PDE7B: variants seen among roughly 807,000 people sequenced by gnomAD.
PDE7B encodes the protein 3',5'-cyclic-AMP phosphodiesterase 7B.
Under a neutral mutation model 56.2 loss-of-function variants are expected in PDE7B, and 29 were observed. That is an observed-to-expected ratio of 0.52 (90% CI 0.38 to 0.70). The LOEUF is 0.70. Ranked by LOEUF, PDE7B falls within the 30% of genes least tolerant of loss-of-function variation. PDE7B has a pLI of 0.00. For synonymous variants in PDE7B, 197 were observed against 196.9 expected (o/e 1.00, Z 0.00); for missense variants, 490 against 565.0 (o/e 0.87, Z 1.35).
intron 2 of PDE7B, among the ~76,000 whole-genome samples, chr6:135,977,681 A>G (rs76503808): frequency 0.011 from 1,615 of 152,232 alleles, 28 homozygotes; most frequent in African/African-American, 0.036. Flanking sequence ...CAGGAGCAAT[A>G]AAGAGGCTGA....
intron 2 of PDE7B, among the ~76,000 whole-genome samples, chr6:136,056,149 C>T (rs1776726425): frequency 6.6e-6 from 1 of 152,150 alleles, no homozygotes; most frequent in Non-Finnish European, 1.5e-5. Context: ...TGTGTCTTAA[C>T]TTCTTAGAGG....
At chr6:135,865,999 TA>T (rs1481373147) in intron 1 of PDE7B, among the ~76,000 whole-genome samples, 1 of 152,210 alleles carries the variant, frequency 6.6e-6, no homozygotes, top group East Asian at 1.9e-4. Flanking sequence ...CAAAAATTTT[TA>T]TTACTTTGCT....
chr6:136,159,630 G>A (rs1456460455), intron 8 of PDE7B, among the ~76,000 whole-genome samples: 1 of 152,132 alleles, frequency 6.6e-6, no homozygotes, highest in Non-Finnish European at 1.5e-5. Flanking sequence ...GGCTTGTTAG[G>A]GAAGAACTCA....
intron 2 of PDE7B, among the ~76,000 whole-genome samples, chr6:135,982,506 A>T (rs1775314753): frequency 6.6e-6 from 1 of 152,078 alleles, no homozygotes; most frequent in South Asian, 2.1e-4. Context: ...TCAATCAGGA[A>T]CTGCTAAGGA....
intron 2 of PDE7B, among the ~76,000 whole-genome samples, chr6:135,978,426 C>A (rs1468442910): frequency 2.0e-5 from 3 of 152,036 alleles, no homozygotes; most frequent in African/African-American, 7.2e-5. Flanking sequence ...TGTTACTGTA[C>A]ACTTCTGTAG....
intron 1 of PDE7B, among the ~76,000 whole-genome samples, chr6:135,890,343 A>G (rs73556535): frequency 1.4e-4 from 22 of 152,278 alleles, no homozygotes; most frequent in African/African-American, 4.6e-4. Flanking sequence ...GATATTTCCT[A>G]TGGTACTTAG....
chr6:136,009,485 T>C (rs1236617133), intron 2 of PDE7B, among the ~76,000 whole-genome samples: 6 of 152,140 alleles, frequency 3.9e-5, no homozygotes, highest in East Asian at 1.9e-4. Flanking sequence ...TGTTCTTCCA[T>C]TTGTCTGTAT....
chr6:135,964,127 C>T lies in PDE7B; in HGVS notation c.82+16603C>T, dbSNP rs529518403. On this transcript the variant is annotated intron_variant, in intron 2 of 12. Coordinates refer to ENST00000308191, the MANE Select transcript of PDE7B (RefSeq NM_018945.4). ...TTTTTTTCTTTTATTTTTTTTGAGA[C>T]GGAGTCTTGCTCTGTTGCCCAAGCT... Among the ~76,000 whole-genome samples the T allele has an allele frequency of 1.7e-4, 25 of 151,098 alleles. No homozygotes were observed. The East Asian group carries it at 2.3e-3, about 14-fold the overall frequency.
chr6:136,056,572 C>T (rs184043276), intron 2 of PDE7B, among the ~76,000 whole-genome samples: 1 of 117,354 alleles, frequency 8.5e-6, no homozygotes, highest in East Asian at 2.4e-4. Flanking sequence ...GCCCTTGTTG[C>T]CCAGGCTGGA....
At chr6:135,934,729 C>CAAAA (rs1273694326) in intron 1 of PDE7B, among the ~76,000 whole-genome samples, 2 of 46,222 alleles carry the variant, frequency 4.3e-5, no homozygotes, top group African/African-American at 1.3e-4. Flanking sequence ...AACTCTGTCT[C>CAAAA]AAAAAAAAAA....
chr6:135,945,084 C>A (rs144070084), intron 1 of PDE7B, among the ~76,000 whole-genome samples: 52,151 of 151,760 alleles, frequency 0.34, 9,409 homozygotes, highest in Admixed American at 0.49. Flanking sequence ...TCACTTTAAA[C>A]ATAATCACTT....
chr6:136,015,884 T>C (rs1038824655), intron 2 of PDE7B, among the ~76,000 whole-genome samples: 2 of 152,156 alleles, frequency 1.3e-5, no homozygotes, highest in African/African-American at 4.8e-5. Flanking sequence ...AAAAGTAATT[T>C]AGCCTTTAAC....
At chr6:136,067,335 G>C (rs1776959540) in intron 2 of PDE7B, among the ~76,000 whole-genome samples, 1 of 152,142 alleles carries the variant, frequency 6.6e-6, no homozygotes, top group Admixed American at 6.5e-5. Flanking sequence ...TTCTAAGTGA[G>C]ACTTTATTGA....
intron 3 of PDE7B, among the ~76,000 whole-genome samples, chr6:136,111,585 C>T (rs941528897): frequency 7.2e-5 from 11 of 152,184 alleles, no homozygotes; most frequent in African/African-American, 2.7e-4. Flanking sequence ...GTGTTATGCA[C>T]AGTCACATAA....
chr6:135,914,693 G>T, intron 1 of PDE7B, among the ~76,000 whole-genome samples: 1 of 34,006 alleles, frequency 2.9e-5, no homozygotes. Context: ...GTTTCACCGT[G>T]TTAGCCAGGA....
chr6:136,097,122 C>A (rs931480428), intron 2 of PDE7B, among the ~76,000 whole-genome samples: 3 of 152,190 alleles, frequency 2.0e-5, no homozygotes, highest in Non-Finnish European at 2.9e-5. Context: ...GGATGCTAGA[C>A]CCTATTCACT....
chr6:136,128,963 C>T lies in PDE7B; in HGVS notation c.167-18388C>T, dbSNP rs73565075. On this transcript the variant is annotated intron_variant, in intron 3 of 12. Transcript: ENST00000308191. ...AGCTTTAGACTGTTCCTTCTGCCCC[C>T]TTCCATCAGAACTTATCCATCCAGC... Among the ~76,000 whole-genome samples the T allele has an allele frequency of 7.7e-3, 1,168 of 152,270 alleles. 13 individuals carry two copies. The highest frequency in any genetic ancestry group is 0.026 in the African/African-American group (1,080 of 41,558).
chr6:135,979,649 AACAG>A (rs1428644524), intron 2 of PDE7B, among the ~76,000 whole-genome samples: 1 of 152,196 alleles, frequency 6.6e-6, no homozygotes, highest in Non-Finnish European at 1.5e-5. Flanking sequence ...ATACACCAAC[AACAG>A]ACAAACAGAG....
At chr6:136,179,867 A>G (rs112675728) in intron 10 of PDE7B, among the ~76,000 whole-genome samples, 2 of 152,334 alleles carry the variant, frequency 1.3e-5, no homozygotes, top group African/African-American at 2.4e-5. Context: ...ATTGAATTAC[A>G]TTGGATCAAG....
Sources: allele counts gnomAD v4.1 joint callset (sites outside exome capture counted in the v4.1 genomes callset), GRCh38; gene constraint gnomAD v4.1.1; transcripts MANE v1.5; gene names NCBI Gene and HGNC (gene_info 2026-07-23, HGNC 2026-07-21).